SLC8A3: variants seen among roughly 807,000 people sequenced by gnomAD.
SLC8A3 encodes the protein sodium/calcium exchanger 3.
SLC8A3 carries 37 observed loss-of-function variants against 65.4 expected under a neutral mutation model. That is an observed-to-expected ratio of 0.57 (90% CI 0.44 to 0.74). SLC8A3 has a LOEUF of 0.74. SLC8A3 is among the 30% of genes least tolerant of loss of function. The pLI, the probability that SLC8A3 is intolerant of heterozygous loss-of-function variation, is 0.00. For synonymous variants in SLC8A3, 461 were observed against 444.5 expected, an observed-to-expected ratio of 1.04 and a Z score of -0.47; for missense variants, 1,112 against 1,172.1, an observed-to-expected ratio of 0.95 and a Z score of 0.75.
At chr14:70,120,332 G>A (rs1387634081) in intron 2 of SLC8A3, among the ~76,000 whole-genome samples, 1 of 152,232 alleles carries the variant, frequency 6.6e-6, no homozygotes, top group Non-Finnish European at 1.5e-5. Flanking sequence ...AAATTGGAGT[G>A]TTTAGTCAGT....
intron 2 of SLC8A3, among the ~76,000 whole-genome samples, chr14:70,157,340 A>G (rs1337275761): frequency 2.6e-5 from 4 of 152,148 alleles, no homozygotes; most frequent in African/African-American, 4.8e-5. Context: ...GGCAATTTCA[A>G]TTTCCCACTC....
chr14:70,119,342 T>C (rs1359308602), intron 2 of SLC8A3, among the ~76,000 whole-genome samples: 2 of 152,170 alleles, frequency 1.3e-5, no homozygotes, highest in African/African-American at 4.8e-5. Context: ...TGCCCTGCTT[T>C]CTCCTACATG....
At chr14:70,161,833 G>T (rs1019531327) in intron 2 of SLC8A3, among the ~76,000 whole-genome samples, 2 of 152,234 alleles carry the variant, frequency 1.3e-5, no homozygotes, top group Middle Eastern at 3.2e-3. Flanking sequence ...GATTTTTATA[G>T]ATTTTTACAG....
chr14:70,151,691 A>G (rs778402194), intron 2 of SLC8A3, among the ~76,000 whole-genome samples: 2 of 152,170 alleles, frequency 1.3e-5, no homozygotes, highest in Non-Finnish European at 2.9e-5. Context: ...GTAGAAATGT[A>G]TTCTCCCCAA....
intron 2 of SLC8A3, among the ~76,000 whole-genome samples, chr14:70,092,904 G>C (rs544259728): frequency 6.6e-6 from 1 of 152,294 alleles, no homozygotes; most frequent in African/African-American, 2.4e-5. Context: ...TGCAACCAAA[G>C]AATCCTCTAA....
chr14:70,067,838 G>A (rs2139884835), intron 2 of SLC8A3, among the ~76,000 whole-genome samples: 1 of 152,152 alleles, frequency 6.6e-6, no homozygotes, highest in South Asian at 2.1e-4. Flanking sequence ...AGATTTTTTT[G>A]GGCCCCCCAT....
At chr14:70,086,682 A>G (rs915114271) in intron 2 of SLC8A3, among the ~76,000 whole-genome samples, 1 of 151,430 alleles carries the variant, frequency 6.6e-6, no homozygotes, top group Admixed American at 6.6e-5. Context: ...GAGCCACTGC[A>G]CTTGGCCAAT....
intron 1 of SLC8A3, among the ~76,000 whole-genome samples, chr14:70,180,561 T>A (rs1372197679): frequency 6.6e-6 from 1 of 152,202 alleles, no homozygotes; most frequent in East Asian, 1.9e-4. Flanking sequence ...AGGCATTGGC[T>A]CAAGAGGATT....
intron 1 of SLC8A3, 21 bp downstream of exon 1, chr14:70,188,358 G>C (rs1883523835): frequency 6.6e-6 from 1 of 152,496 alleles, no homozygotes; most frequent in Non-Finnish European, 1.5e-5. Context: ...GGAAGGGCAG[G>C]AGGCTCACCC....
chr14:70,093,029 T>C (rs1891911214), intron 2 of SLC8A3, among the ~76,000 whole-genome samples: 1 of 152,208 alleles, frequency 6.6e-6, no homozygotes, highest in African/African-American at 2.4e-5. Context: ...GAAATTGTAT[T>C]TGTTGTAATG....
At chr14:70,062,058 A>G (rs2139836451) in intron 2 of SLC8A3, among the ~76,000 whole-genome samples, 1 of 131,950 alleles carries the variant, frequency 7.6e-6, no homozygotes, top group Admixed American at 9.1e-5. Flanking sequence ...AGCAGGTCCT[A>G]CTAGTGAGCC....
chr14:70,102,964 C>A (rs921295303), intron 2 of SLC8A3, among the ~76,000 whole-genome samples: 10 of 151,714 alleles, frequency 6.6e-5, no homozygotes, highest in African/African-American at 1.9e-4. Context: ...CAAGGAACAC[C>A]AAGTGGAATA....
chr14:70,077,213 C>T (rs960240851), intron 2 of SLC8A3, among the ~76,000 whole-genome samples: 1 of 151,996 alleles, frequency 6.6e-6, no homozygotes, highest in Non-Finnish European at 1.5e-5. Flanking sequence ...TGGTTTGGAA[C>T]CAGGTAGGGT....
At chr14:70,123,431 C>CT (rs1031191977) in intron 2 of SLC8A3, among the ~76,000 whole-genome samples, 3 of 148,120 alleles carry the variant, frequency 2.0e-5, no homozygotes, top group Non-Finnish European at 4.5e-5. Flanking sequence ...TGTGAGGTGG[C>CT]TTTTTTTATT....
At chr14:70,175,055 G>T (rs1041570523) in intron 1 of SLC8A3, among the ~76,000 whole-genome samples, 1 of 151,974 alleles carries the variant, frequency 6.6e-6, no homozygotes, top group African/African-American at 2.4e-5. Context: ...CTTCTGAACC[G>T]TCTGACAGTT....
intron 1 of SLC8A3, among the ~76,000 whole-genome samples, chr14:70,179,932 A>C (rs1257508594): frequency 1.3e-5 from 2 of 152,206 alleles, no homozygotes; most frequent in African/African-American, 4.8e-5. Flanking sequence ...TCGTGCTGTG[A>C]ATGCCAGAGG....
chr14:70,113,651 A>G (rs1393543393), intron 2 of SLC8A3, among the ~76,000 whole-genome samples: 1 of 152,232 alleles, frequency 6.6e-6, no homozygotes, highest in Non-Finnish European at 1.5e-5. Context: ...ACACAGAGAA[A>G]ATGATCCTGC....
intron 2 of SLC8A3, among the ~76,000 whole-genome samples, chr14:70,142,776 T>G (rs1374659539): frequency 6.6e-6 from 1 of 152,226 alleles, no homozygotes; most frequent in Non-Finnish European, 1.5e-5. Context: ...ATTTTACTTC[T>G]TTCTTATCAA....
intron 2 of SLC8A3, among the ~76,000 whole-genome samples, chr14:70,069,341 A>C (rs1889785278): frequency 6.6e-6 from 1 of 152,168 alleles, no homozygotes; most frequent in African/African-American, 2.4e-5. Context: ...CTCTGAGTAC[A>C]GGCTGGGCTT....
Sources: gnomAD v4.1 joint callset for allele counts (sites outside exome capture counted in the v4.1 genomes callset) on GRCh38, gnomAD v4.1.1 for gene constraint, MANE v1.5 for transcripts, NCBI Gene and HGNC (gene_info 2026-07-23, HGNC 2026-07-21) for gene names.